Variants in GRIK1 observed in about 807,000 individuals in gnomAD.
GRIK1 encodes the protein glutamate ionotropic receptor kainate type subunit 1, also known as glutamate receptor ionotropic, kainate 1.
Under a neutral mutation model 105.7 loss-of-function variants are expected in GRIK1, and 69 were observed. The observed-to-expected ratio is 0.65, with a 90% CI of 0.54 to 0.80. The LOEUF (loss-of-function observed/expected upper bound fraction) is 0.80. Among genes scored for constraint, GRIK1 ranks in the 30% least tolerant of loss-of-function variants. The pLI is 0.00. For missense variants in GRIK1, 1,109 were observed against 1,167.3 expected (o/e 0.95, Z 0.73); for synonymous variants, 438 against 431.3 (o/e 1.02, Z -0.19).
Position 29,560,368 on chromosome 21 carries a change from C to CTTTTTCTTT in GRIK1, c.2356+1255_2356+1256insAAAGAAAAA, listed in dbSNP as rs1568813696. Among the ~76,000 whole-genome samples, 18 of 20,740 alleles carry CTTTTTCTTT rather than the reference C, an allele frequency of 8.7e-4. 1 individual carries two copies. Among genetic ancestry groups the CTTTTTCTTT allele is most frequent in the East Asian group, 5.7e-3 (3 of 522 alleles). The allele number at this position is 20,740 out of a possible 152,430, so 13.6% of individuals were successfully genotyped here. On this transcript the variant is annotated intron_variant, in intron 15 of 17. Coordinates refer to ENST00000327783, the MANE Select transcript of GRIK1 (RefSeq NM_001330994.2). ...CTTTCTTTCTTTCTTTTTCTTTCTT[C>CTTTTTCTTT]CTTCCTTCCTTCCTTCCTTCCTTCC...
rs544677164 is a variant in GRIK1 at position 29,567,577 on chromosome 21, G to A, written c.2131-5728C>T. Among the ~76,000 whole-genome samples the A allele has an allele frequency of 7.9e-5, 12 of 152,206 alleles. No individual in the cohort carries two copies. In the South Asian group the frequency reaches 8.3e-4, roughly 11 times the overall value. On this transcript the variant is annotated intron_variant, in intron 14 of 17. Coordinates refer to ENST00000327783, the MANE Select transcript of GRIK1 (RefSeq NM_001330994.2). ...TCTTATCAAAAGTGATCTTATAAAT[G>A]TAAATATATGCATATAGAACAAATG... is the stretch of plus-strand genomic sequence containing the variant.
intron 1 of GRIK1, among the ~76,000 whole-genome samples, chr21:29,823,024 A>G (rs2067347739): frequency 6.6e-6 from 1 of 151,976 alleles, no homozygotes; most frequent in South Asian, 2.1e-4. Context: ...CTGCCACTTC[A>G]TGTGTGATCC....
At chr21:29,571,161 A>G (rs2090737975) in intron 14 of GRIK1, among the ~76,000 whole-genome samples, 2 of 152,052 alleles carry the variant, frequency 1.3e-5, no homozygotes, top group East Asian at 1.9e-4. Flanking sequence ...AGCCTGGCTG[A>G]GATGGTGAAA....
intron 1 of GRIK1, among the ~76,000 whole-genome samples, chr21:29,863,371 G>GTTTGTACTC (rs1356052596): frequency 2.6e-5 from 4 of 152,096 alleles, no homozygotes; most frequent in Admixed American, 2.6e-4. Flanking sequence ...TTTTAAATCA[G>GTTTGTACTC]TTTGTACTCT....
intron 1 of GRIK1, among the ~76,000 whole-genome samples, chr21:29,889,454 A>G (rs377476366): frequency 6.6e-6 from 1 of 152,098 alleles, no homozygotes; most frequent in South Asian, 2.1e-4. Context: ...CTATAATTGT[A>G]CTGATCCCTG....
Position 29,766,783 on chromosome 21 carries a change from G to A in GRIK1, c.119-72720C>T, listed in dbSNP as rs570179193. Among the ~76,000 whole-genome samples the A allele has an allele frequency of 2.0e-4, 31 of 151,860 alleles. No homozygotes were observed. In the East Asian group the frequency reaches 5.0e-3, roughly 25 times the overall value. ...GAAGTTGCTCTTCTCCCCCAGGGCC[G>A]CATGTACTTTGAAAACAGTCTCTTT... On this transcript the variant is annotated intron_variant, in intron 1 of 17. Transcript: ENST00000327783.
chr21:29,554,048 T>A (rs2090187609), intron 16 of GRIK1, among the ~76,000 whole-genome samples: 1 of 152,154 alleles, frequency 6.6e-6, no homozygotes, highest in South Asian at 2.1e-4. Flanking sequence ...CATCCCCAGT[T>A]TTGGGCCCTT....
intron 7 of GRIK1, among the ~76,000 whole-genome samples, chr21:29,605,283 T>C (rs2061590669): frequency 6.6e-6 from 1 of 152,232 alleles, no homozygotes; most frequent in Non-Finnish European, 1.5e-5. Flanking sequence ...ATTCTCATCA[T>C]TCAACTCCCA....
chr21:29,649,664 A>G (rs1021093016), intron 6 of GRIK1, among the ~76,000 whole-genome samples: 1 of 152,124 alleles, frequency 6.6e-6, no homozygotes, highest in African/African-American at 2.4e-5. Flanking sequence ...ATATGTACAA[A>G]CTGTTTTGTC....
At chr21:29,876,588 C>T (rs923154526) in intron 1 of GRIK1, among the ~76,000 whole-genome samples, 1 of 152,150 alleles carries the variant, frequency 6.6e-6, no homozygotes, top group South Asian at 2.1e-4. Context: ...CACATTGCAT[C>T]GCCCAGGGAA....
intron 1 of GRIK1, among the ~76,000 whole-genome samples, chr21:29,820,125 T>C (rs1037314364): frequency 1.3e-5 from 2 of 152,230 alleles, no homozygotes; most frequent in African/African-American, 4.8e-5. Context: ...ATTAACTATG[T>C]AGTAATCAAT....
chr21:29,798,359 T>C (rs117423312), intron 1 of GRIK1, among the ~76,000 whole-genome samples: 2 of 152,342 alleles, frequency 1.3e-5, no homozygotes, highest in East Asian at 3.9e-4. Flanking sequence ...CTCTACTACG[T>C]ACTCCAGGAT....
At chr21:29,925,926 G>A (rs2071354647) in intron 1 of GRIK1, among the ~76,000 whole-genome samples, 1 of 152,006 alleles carries the variant, frequency 6.6e-6, no homozygotes, top group Admixed American at 6.6e-5. Flanking sequence ...GTTAAATTAG[G>A]ATAATACAAA....
intron 1 of GRIK1, among the ~76,000 whole-genome samples, chr21:29,901,377 T>A (rs1180233755): frequency 1.3e-5 from 2 of 151,818 alleles, no homozygotes; most frequent in Admixed American, 6.6e-5. Context: ...TTTGAAAAGA[T>A]CAACAAAATA....
intron 7 of GRIK1, among the ~76,000 whole-genome samples, chr21:29,623,716 G>A (rs530094220): frequency 6.6e-6 from 1 of 152,106 alleles, no homozygotes; most frequent in South Asian, 2.1e-4. Flanking sequence ...AATTTCAAAA[G>A]TTCATACTGA....
chr21:29,896,794 G>A (rs455882), intron 1 of GRIK1, among the ~76,000 whole-genome samples: 33,624 of 151,914 alleles, frequency 0.22, 4,255 homozygotes, highest in African/African-American at 0.34. Context: ...TGGCTGCCTC[G>A]GAATCAACAC....
At chr21:29,905,641 T>TTTTTTTA (rs2070594503) in intron 1 of GRIK1, among the ~76,000 whole-genome samples, 1 of 119,224 alleles carries the variant, frequency 8.4e-6, no homozygotes, top group African/African-American at 3.6e-5. Flanking sequence ...TTTTTTTTTT[T>TTTTTTTA]TTTGAGACGG....
At chr21:29,781,662 T>TTTC (rs1555887134) in intron 1 of GRIK1, among the ~76,000 whole-genome samples, 1 of 117,578 alleles carries the variant, frequency 8.5e-6, no homozygotes, top group Non-Finnish European at 1.9e-5. Flanking sequence ...TGTTTCTTTT[T>TTTC]TTTTTTTTTT....
chr21:29,765,248 AT>A (rs1316214299), intron 1 of GRIK1, among the ~76,000 whole-genome samples: 1 of 152,086 alleles, frequency 6.6e-6, no homozygotes, highest in Non-Finnish European at 1.5e-5. Context: ...AGTGTGCAGC[AT>A]TTTTGTCCCT....
Sources: allele counts gnomAD v4.1 joint callset (sites outside exome capture counted in the v4.1 genomes callset), GRCh38; gene constraint gnomAD v4.1.1; transcripts MANE v1.5; gene names NCBI Gene and HGNC (gene_info 2026-07-23, HGNC 2026-07-21).